The following PCDHGB7 variants were observed in gnomAD, a reference collection of about 807,000 sequenced individuals.
PCDHGB7 encodes the protein protocadherin gamma subfamily B, 7.
In PCDHGB7, 37 loss-of-function variants were observed where a neutral mutation model predicts 61.4. The observed-to-expected ratio is 0.60, with a 90% CI of 0.46 to 0.79. The LOEUF (loss-of-function observed/expected upper bound fraction) is 0.79. PCDHGB7 is among the 30% of genes least tolerant of loss of function. The pLI is 0.00. For synonymous variants in PCDHGB7, 464 were observed against 503.5 expected (o/e 0.92, Z 1.05); for missense variants, 1,166 against 1,202.5 (o/e 0.97, Z 0.45).
At chr5:141,459,763 G>A (rs1243169814) in intron 1 of PCDHGB7, among the ~76,000 whole-genome samples, 1 of 152,206 alleles carries the variant, frequency 6.6e-6, no homozygotes, top group South Asian at 2.1e-4. Context: ...GTGGGTGTGT[G>A]ATACTATCTC....
In PCDHGB7 at chr5:141,423,972, T is replaced by C. The variant is rs1459859824; in HGVS notation, c.2415+3698T>C. ...TTTAGTATTATTTTTCTATTATCAG[T>C]GTATGAGGCTCTCAATTTATTATAT... On this transcript the variant is annotated intron_variant, in intron 1 of 3. Transcript: ENST00000398594. 4 of 1,128,544 alleles carry C rather than the reference T, an allele frequency of 3.5e-6. No homozygotes were observed. The East Asian group carries it at 1.9e-4, about 53-fold the overall frequency. The allele number at this position is 1,128,544 out of a possible 1,614,324, so 69.9% of individuals were successfully genotyped here.
In PCDHGB7 at chr5:141,491,552, G is replaced by A. The variant is rs769927075; in HGVS notation, c.2416-3255G>A. 1 of 1,614,008 alleles carries A rather than the reference G, an allele frequency of 6.2e-7. No individual in the cohort carries two copies. The highest frequency in any genetic ancestry group is 1.7e-5 in the Admixed American group (1 of 60,024). On this transcript the variant is annotated intron_variant, in intron 1 of 3. Coordinates refer to ENST00000398594, the MANE Select transcript of PCDHGB7 (RefSeq NM_018927.4). This position sits in a 1 kb window ranked among gnomAD's most constrained non-coding sequence, Gnocchi z 6.9. Reference sequence around the variant, plus strand: ...ACGCTGCGGCCCACAGACTCGCAGAGCCACTGCTACAGGACGTGCTTTTCA... The same window carrying A: ...ACGCTGCGGCCCACAGACTCGCAGAACCACTGCTACAGGACGTGCTTTTCA...
At position 141,419,278 on chromosome 5, in the gene PCDHGB7, A is replaced by G; in HGVS notation, c.1419A>G (p.Gln473=). The change falls in exon 1 of 4, where the codon CAA becomes CAG. Residue 473 remains glutamine (Q), a synonymous_variant. Coordinates refer to ENST00000398594, the MANE Select transcript of PCDHGB7 (RefSeq NM_018927.4). ...ACCAGCCGGGTGCCTCCATAGCGCA[A>G]GTCAGTGCCTCTGACCCAGACTTCG... The part of the protein sequence containing the change: ...ENNQPGASIA[Q]VSASDPDFGL... The G allele has an allele frequency of 6.2e-7, 1 of 1,614,038 alleles. No homozygotes were observed. Among genetic ancestry groups the G allele is most frequent in the Non-Finnish European group, 8.5e-7 (1 of 1,179,888 alleles).
chr5:141,440,503 G>A (rs979260104), intron 1 of PCDHGB7: 10 of 152,154 alleles, frequency 6.6e-5, no homozygotes, highest in Non-Finnish European at 1.0e-4. Flanking sequence ...ACATTAATAT[G>A]GAGATTCAGG....
chr5:141,421,418 G>C, intron 1 of PCDHGB7: 1 of 1,614,086 alleles, frequency 6.2e-7, no homozygotes, highest in Middle Eastern at 1.7e-4. Context: ...GCGAAGCGCG[G>C]AGTCCGCATC....
rs60063068 is a variant in PCDHGB7, at chr5:141,477,262, C to T, written c.2416-17545C>T. The T allele has an allele frequency of 1.9e-4, 313 of 1,614,138 alleles. No individual in the cohort carries two copies. In the African/African-American group the frequency reaches 3.7e-3, roughly 19 times the overall value. On this transcript the variant is annotated intron_variant, in intron 1 of 3. Coordinates refer to ENST00000398594, the MANE Select transcript of PCDHGB7 (RefSeq NM_018927.4). This position sits in a 1 kb window ranked among gnomAD's most constrained non-coding sequence, Gnocchi z 4.9. ...TCAGTGTGACTGACCTGGATGCTGG[C>T]GAGAACGGGCTGGTGACCTGCGAAG...
chr5:141,441,036 A>G (rs2098219746), intron 1 of PCDHGB7: 1 of 152,216 alleles, frequency 6.6e-6, no homozygotes, highest in South Asian at 2.1e-4. Context: ...TGAAAACTTT[A>G]AGTACATTGG....
chr5:141,483,903 G>C (rs1167942546), intron 1 of PCDHGB7, among the ~76,000 whole-genome samples: 1 of 151,282 alleles, frequency 6.6e-6, no homozygotes, highest in Admixed American at 6.6e-5. Context: ...GCTCTGGTGT[G>C]TTTCCCACTC....
Position 141,419,469 on chromosome 5 carries a change from A to G in PCDHGB7, c.1610A>G (p.Gln537Arg). The change falls in exon 1 of 4, where the codon CAG becomes CGG. Residue 537 changes from glutamine (Q) to arginine (R), a missense_variant. Coordinates refer to ENST00000398594, the MANE Select transcript of PCDHGB7 (RefSeq NM_018927.4). ...TFELTLQARDQGSPALSANVS... is the reference protein window; with the variant it reads ...TFELTLQARDRGSPALSANVS... Reference sequence around the variant, plus strand: ...GAGCTCACGCTGCAGGCCCGCGACCAGGGCTCGCCCGCGCTCAGCGCCAAT... The same window carrying G: ...GAGCTCACGCTGCAGGCCCGCGACCGGGGCTCGCCCGCGCTCAGCGCCAAT... The G allele has an allele frequency of 6.2e-7, 1 of 1,612,490 alleles. No homozygotes were observed. Among genetic ancestry groups the G allele is most frequent in the South Asian group, 1.1e-5 (1 of 90,982 alleles).
In PCDHGB7 at chr5:141,432,113, T is replaced by G. The variant is rs1174697940; in HGVS notation, c.2415+11839T>G. 1 of 1,614,078 alleles carries G rather than the reference T, an allele frequency of 6.2e-7. No homozygotes were observed. The highest frequency in any genetic ancestry group is 8.5e-7 in the Non-Finnish European group (1 of 1,180,006). On this transcript the variant is annotated intron_variant, in intron 1 of 3. Coordinates refer to ENST00000398594, the MANE Select transcript of PCDHGB7 (RefSeq NM_018927.4). The surrounding 1 kb of genome is among the most constrained non-coding windows in gnomAD (Gnocchi z 6.0). ...AGACACCAACGACAACCCGCCGGTC[T>G]TCCCTCAGGCCTCCTATTCCGCTTA... is the stretch of plus-strand genomic sequence containing the variant.
At chr5:141,442,473 C>T (rs1435437337) in intron 1 of PCDHGB7, 1 of 152,240 alleles carries the variant, frequency 6.6e-6, no homozygotes, top group Non-Finnish European at 1.5e-5. Flanking sequence ...CAGAAAGCCC[C>T]TTGGGGAAGG....
rs200356364 is a variant in PCDHGB7, at chr5:141,470,128, C to CA, written c.2416-24670dup. On this transcript the variant is annotated intron_variant, in intron 1 of 3. Transcript: ENST00000398594. ...TGAGCAACAGAGCAAGACTTCGTCT[C>CA]AAAAAAAAAGATCATAGATCATCTT... 4.0e-3 allele frequency among the ~76,000 whole-genome samples: 596 copies of CA among 150,150 alleles called. 6 individuals are homozygous for CA. The highest frequency in any genetic ancestry group is 0.011 in the Admixed American group (171 of 15,136).
intron 1 of PCDHGB7, among the ~76,000 whole-genome samples, chr5:141,429,660 ATATAT>A (rs1388009014): frequency 1.3e-5 from 2 of 152,336 alleles, no homozygotes; most frequent in African/African-American, 4.8e-5. Flanking sequence ...CCAATTTAAA[ATATAT>A]TATTTTATTT....
chr5:141,511,129 G>A lies in PCDHGB7; in HGVS notation c.2746G>A (p.Gly916Ser). ...GCGGGATGGCAAGGCCCCAGCAGGT[G>A]GCAATGGCAACAAGAAGAAGTCGGG... ...GKRDGKAPAGGNGNKKKSGKK... is the reference protein window; with the variant it reads ...GKRDGKAPAGSNGNKKKSGKK... Residue 916 changes from glycine to serine, a missense_variant, in exon 4 of 4, where the codon GGC becomes AGC. By Grantham distance (56) the Gly-to-Ser change is moderately conservative. Coordinates refer to ENST00000398594, the MANE Select transcript of PCDHGB7 (RefSeq NM_018927.4). 1 of 1,614,204 alleles carries A rather than the reference G, an allele frequency of 6.2e-7. No individual in the cohort carries two copies. Among genetic ancestry groups the A allele is most frequent in the Non-Finnish European group, 8.5e-7 (1 of 1,180,014 alleles).
chr5:141,450,181 C>A (rs2098672863), intron 1 of PCDHGB7, among the ~76,000 whole-genome samples: 1 of 151,572 alleles, frequency 6.6e-6, no homozygotes, highest in African/African-American at 2.4e-5. Flanking sequence ...CCACACCCAG[C>A]TAATTTTTGT....
intron 1 of PCDHGB7, chr5:141,442,360 G>A (rs890049391): frequency 6.6e-6 from 1 of 152,272 alleles, no homozygotes; most frequent in African/African-American, 2.4e-5. Flanking sequence ...GTAGCTCTAT[G>A]ATGCCATATT....
Position 141,418,072 on chromosome 5 carries a change from G to A in PCDHGB7, c.213G>A (p.Glu71=). The change falls in exon 1 of 4, where the codon GAG becomes GAA. Residue 71 remains glutamate (E), a synonymous_variant. Coordinates refer to ENST00000398594, the MANE Select transcript of PCDHGB7 (RefSeq NM_018927.4). ...CTCGCGAGCTGCGAGTGAGCGCGGAGAAGCTGCACTTCAGCGTAGACGCGC... is the reference window on the plus strand; with the variant it reads ...CTCGCGAGCTGCGAGTGAGCGCGGAAAAGCTGCACTTCAGCGTAGACGCGC... The part of the protein sequence containing the change: ...VSARELRVSA[E]KLHFSVDAQS... The A allele has an allele frequency of 6.2e-7, 1 of 1,614,058 alleles. No individual in the cohort carries two copies. The highest frequency in any genetic ancestry group is 8.5e-7 in the Non-Finnish European group (1 of 1,179,902).
At chr5:141,421,934 T>C (rs1478005202) in intron 1 of PCDHGB7, 1 of 1,613,548 alleles carries the variant, frequency 6.2e-7, no homozygotes, top group Admixed American at 1.7e-5. Context: ...GTCCTCGATG[T>C]AAATGATCAC....
chr5:141,419,383 C>A lies in PCDHGB7; in HGVS notation c.1524C>A (p.Ser508Arg), dbSNP rs1354675466. Residue 508 changes from serine (S) to arginine (R), a missense_variant, in exon 1 of 4, where the codon AGC (serine) becomes AGA (arginine). Physicochemically the swap from Ser to Arg is moderately radical, Grantham distance 110. Coordinates refer to ENST00000398594, the MANE Select transcript of PCDHGB7 (RefSeq NM_018927.4). ...CGCTGTCGTCCTACGTGTCCGTGAGCGCGCAGAGCGGGGTGGTGTTCGCGC... is the reference window on the plus strand; with the variant it reads ...CGCTGTCGTCCTACGTGTCCGTGAGAGCGCAGAGCGGGGTGGTGTTCGCGC... ...SRTLSSYVSV[S>R]AQSGVVFAQR... 1 of 1,613,698 alleles carries A rather than the reference C, an allele frequency of 6.2e-7. No homozygotes were observed. The highest frequency in any genetic ancestry group is 1.1e-5 in the South Asian group (1 of 91,078).
Sources: gnomAD v4.1 joint callset for allele counts (sites outside exome capture counted in the v4.1 genomes callset) on GRCh38, gnomAD v4.1.1 for gene constraint, Gnocchi (gnomAD v3.1) non-coding constraint, MANE v1.5 for transcripts, NCBI Gene and HGNC (gene_info 2026-07-23, HGNC 2026-07-21) for gene names.